Variants in CBFA2T3 observed in about 807,000 individuals in gnomAD.
CBFA2T3 encodes the protein CBFA2/RUNX1 partner transcriptional co-repressor 3, also known as transcriptional corepressor CBFA2T3.
Under a neutral mutation model 58.6 loss-of-function variants are expected in CBFA2T3, and 31 were observed. The observed-to-expected ratio is 0.53, with a 90% confidence interval of 0.40 to 0.71. The LOEUF is 0.71. Ranked by LOEUF, CBFA2T3 falls within the 30% of genes least tolerant of loss-of-function variation. CBFA2T3 has a pLI of 0.00. For synonymous variants in CBFA2T3, 531 were observed against 421.9 expected (o/e 1.26, Z -3.17); for missense variants, 1,076 against 963.1 (o/e 1.12, Z -1.55).
At chr16:88,951,446 A>G (rs1417224445) in intron 1 of CBFA2T3, 5 of 396,104 alleles carry the variant, frequency 1.3e-5, no homozygotes, top group African/African-American at 1.1e-4. Flanking sequence ...CTTTTCTGTT[A>G]CCTGTATGTT....
Position 88,880,756 on chromosome 16 carries a change from T to C in CBFA2T3, c.1435A>G (p.Thr479Ala). 6.3e-7 allele frequency: 1 copy of C among 1,583,564 alleles called. No homozygotes were observed. ...CAGATGTCCTCAGGCACGTAGCCGGTGAGGGTCCTCGGCAGGAACTCGCGA... is the reference window on the plus strand; with the variant it reads ...CAGATGTCCTCAGGCACGTAGCCGGCGAGGGTCCTCGGCAGGAACTCGCGA... The part of the protein sequence containing the change: ...VPREFLPRTL[T>A]GYVPEDIWRK... The change falls in exon 10 of 12, where the codon ACC becomes GCC. Residue 479 changes from threonine to alanine, a missense_variant. By Grantham distance (58) the Thr-to-Ala change is moderately conservative. Coordinates refer to ENST00000268679, the MANE Select transcript of CBFA2T3 (RefSeq NM_005187.6).
chr16:88,902,697 C>A (rs936087657), intron 1 of CBFA2T3, among the ~76,000 whole-genome samples: 2 of 152,232 alleles, frequency 1.3e-5, no homozygotes, highest in African/African-American at 4.8e-5. Flanking sequence ...CCCCATTTAT[C>A]TTAAGGCAAG....
chr16:88,936,124 CG>C (rs1327565940), intron 1 of CBFA2T3, among the ~76,000 whole-genome samples: 1 of 152,126 alleles, frequency 6.6e-6, no homozygotes, highest in Non-Finnish European at 1.5e-5. Flanking sequence ...CTGGCTTTCC[CG>C]GGTACTCAGG....
chr16:88,964,109 C>A (rs947750322), intron 1 of CBFA2T3, among the ~76,000 whole-genome samples: 4 of 152,340 alleles, frequency 2.6e-5, no homozygotes, highest in Middle Eastern at 6.8e-3. Context: ...CTGGGCCGAT[C>A]GGCTTAAAGG....
chr16:88,879,844 G>A (rs112001064), intron 10 of CBFA2T3: 2 of 206,690 alleles, frequency 9.7e-6, no homozygotes, highest in African/African-American at 2.3e-5. Flanking sequence ...GTCAGCCAGG[G>A]GCGCACCCGG....
chr16:88,894,886 G>A (rs1161228168), intron 3 of CBFA2T3, among the ~76,000 whole-genome samples: 1 of 152,232 alleles, frequency 6.6e-6, no homozygotes. Flanking sequence ...CCCCTGGGCT[G>A]GGCTGGTGCA....
chr16:88,888,290 G>A (rs558753672), intron 5 of CBFA2T3, among the ~76,000 whole-genome samples: 1 of 149,710 alleles, frequency 6.7e-6, no homozygotes, highest in Admixed American at 6.6e-5. Flanking sequence ...GGCCTGGCGG[G>A]CTGTGGATGT....
intron 1 of CBFA2T3, among the ~76,000 whole-genome samples, chr16:88,907,795 C>T (rs1970388980): frequency 6.6e-6 from 1 of 152,252 alleles, no homozygotes; most frequent in South Asian, 2.1e-4. Context: ...CCCCTCACCC[C>T]AGAGCAGGGG....
At chr16:88,892,651 G>A (rs1969690498) in intron 3 of CBFA2T3, among the ~76,000 whole-genome samples, 166 bp from the exon 4 acceptor site, 1 of 152,164 alleles carries the variant, frequency 6.6e-6, no homozygotes, top group South Asian at 2.1e-4. Flanking sequence ...AGGAGCCCTG[G>A]GCCCGCCCAG....
At chr16:88,900,132 G>A (rs116525303) in intron 2 of CBFA2T3, among the ~76,000 whole-genome samples, 6,567 of 152,322 alleles carry the variant, frequency 0.043, 162 homozygotes, top group African/African-American at 0.072. Flanking sequence ...TCGTGAGTGC[G>A]GCGTCCCGAC....
chr16:88,896,894 T>A (rs1969907795), intron 3 of CBFA2T3, among the ~76,000 whole-genome samples: 3 of 151,888 alleles, frequency 2.0e-5, no homozygotes, highest in Admixed American at 2.0e-4. Context: ...GCGCACTCCC[T>A]CCCGCGCTGC....
chr16:88,884,933 C>T (rs1014726941), intron 7 of CBFA2T3, 113 bp downstream of exon 7: 4 of 762,094 alleles, frequency 5.2e-6, no homozygotes, highest in Non-Finnish European at 6.1e-6. Context: ...CTCCCGAGCT[C>T]AGGTGCACAC....
At chr16:88,931,680 G>A (rs1971310097) in intron 1 of CBFA2T3, among the ~76,000 whole-genome samples, 7 of 152,160 alleles carry the variant, frequency 4.6e-5, no homozygotes, top group Admixed American at 4.6e-4. Flanking sequence ...AGAGTGAGCA[G>A]GTGCTGGGGG....
chr16:88,926,975 C>G (rs921288733), intron 1 of CBFA2T3, among the ~76,000 whole-genome samples: 4 of 152,202 alleles, frequency 2.6e-5, no homozygotes, highest in African/African-American at 9.6e-5. Context: ...GGTGGCGGCA[C>G]ACTCCTGCCT....
intron 5 of CBFA2T3, 22 bp downstream of exon 5, chr16:88,891,860 C>T (rs755821250): frequency 3.6e-5 from 57 of 1,562,492 alleles, no homozygotes; most frequent in Middle Eastern, 3.7e-4. Context: ...TCCCGCAGCA[C>T]GGGGGACGGG....
At chr16:88,971,074 G>C (rs1015183015) in intron 1 of CBFA2T3, among the ~76,000 whole-genome samples, 1 of 152,252 alleles carries the variant, frequency 6.6e-6, no homozygotes, top group African/African-American at 2.4e-5. Flanking sequence ...GTGGGTGTGC[G>C]CAGGTGTGAT....
intron 1 of CBFA2T3, among the ~76,000 whole-genome samples, chr16:88,923,405 A>T (rs891200840): frequency 6.6e-6 from 1 of 152,148 alleles, no homozygotes; most frequent in African/African-American, 2.4e-5. Flanking sequence ...GCTGCCAGGG[A>T]CTTGCACAGA....
rs1968786488 is a variant in CBFA2T3 at position 88,875,231 on chromosome 16, G to C, written c.*1745C>G. ...ACGCCACACGCACAGATGCCAGGCT[G>C]CGGGCCGTGCCTGCTGTCTGTCCTT... On this transcript the variant is annotated 3_prime_UTR_variant, in exon 12 of 12. Coordinates refer to ENST00000268679, the MANE Select transcript of CBFA2T3 (RefSeq NM_005187.6). 4.3e-6 allele frequency: 1 copy of C among 233,722 alleles called. No individual in the cohort carries two copies. The highest frequency in any genetic ancestry group is 2.2e-5 in the African/African-American group (1 of 45,316). 14.5% of individuals were successfully genotyped at this position (233,722 alleles called of 1,614,324 possible).
chr16:88,927,153 G>C (rs1174221853), intron 1 of CBFA2T3, among the ~76,000 whole-genome samples: 1 of 152,226 alleles, frequency 6.6e-6, no homozygotes, highest in African/African-American at 2.4e-5. Flanking sequence ...GCGTACAGCA[G>C]GCACCAATCA....
Sources: allele counts gnomAD v4.1 joint callset (sites outside exome capture counted in the v4.1 genomes callset), GRCh38; gene constraint gnomAD v4.1.1; transcripts MANE v1.5; gene names NCBI Gene and HGNC (gene_info 2026-07-23, HGNC 2026-07-21).